The following CAMK2D variants were observed in gnomAD, a reference collection of about 807,000 sequenced individuals.
The protein encoded by CAMK2D is calcium/calmodulin-dependent protein kinase type II subunit delta.
CAMK2D carries 37 observed loss-of-function variants against 84.0 expected under a neutral mutation model. The ratio of observed to expected loss-of-function variants is 0.44; its 90% CI spans 0.34 to 0.58. The LOEUF (loss-of-function observed/expected upper bound fraction) is 0.58. Ranked by LOEUF, CAMK2D falls within the 20% of genes least tolerant of loss-of-function variation. The pLI, the probability that CAMK2D is intolerant of heterozygous loss-of-function variation, is 0.02. For missense variants in CAMK2D, 448 were observed against 652.5 expected (o/e 0.69, Z 3.41); for synonymous variants, 202 against 212.5 (o/e 0.95, Z 0.43).
intron 3 of CAMK2D, among the ~76,000 whole-genome samples, chr4:113,610,224 T>C (rs751359287): frequency 5.3e-5 from 8 of 152,166 alleles, no homozygotes; most frequent in Non-Finnish European, 1.0e-4. Context: ...CAACCTCTGG[T>C]AGCCCCAGTG....
intron 4 of CAMK2D, among the ~76,000 whole-genome samples, chr4:113,565,932 GA>G (rs2098721749): frequency 2.6e-5 from 4 of 152,128 alleles, no homozygotes; most frequent in Admixed American, 2.6e-4. Context: ...TGCACTTTTG[GA>G]AGATTTTGTG....
intron 4 of CAMK2D, among the ~76,000 whole-genome samples, chr4:113,555,869 G>T (rs1377919111): frequency 6.6e-6 from 1 of 152,148 alleles, no homozygotes; most frequent in African/African-American, 2.4e-5. Flanking sequence ...GGTCATGAGG[G>T]TGGAGCCCTC....
chr4:113,650,775 T>C (rs924682080), intron 3 of CAMK2D, among the ~76,000 whole-genome samples: 20 of 152,206 alleles, frequency 1.3e-4, no homozygotes, highest in Non-Finnish European at 2.9e-4. Context: ...CCTATGCCTA[T>C]GGAAATAATA....
At chr4:113,532,747 A>G (rs1452140035) in intron 7 of CAMK2D, among the ~76,000 whole-genome samples, 3 of 152,148 alleles carry the variant, frequency 2.0e-5, no homozygotes, top group Non-Finnish European at 4.4e-5. Flanking sequence ...CATTCATTCA[A>G]CATGATTTCA....
At chr4:113,593,701 G>T (rs1561218844) in intron 4 of CAMK2D, among the ~76,000 whole-genome samples, 1 of 152,214 alleles carries the variant, frequency 6.6e-6, no homozygotes, top group South Asian at 2.1e-4. Context: ...CTTTAGTAGA[G>T]CCCAACCTGC....
chr4:113,458,264 C>T (rs143792755), intron 18 of CAMK2D, among the ~76,000 whole-genome samples: 3 of 152,308 alleles, frequency 2.0e-5, no homozygotes, highest in Non-Finnish European at 4.4e-5. Context: ...TATGCTCCAG[C>T]CTCTGGTTTT....
At chr4:113,483,695 C>T (rs1438701541) in intron 16 of CAMK2D, among the ~76,000 whole-genome samples, 2 of 152,002 alleles carry the variant, frequency 1.3e-5, no homozygotes, top group Admixed American at 1.3e-4. Context: ...TGTGAGCCAC[C>T]GTGCCTGGCC....
intron 2 of CAMK2D, chr4:113,753,903 GTCC>G (rs2099622735): frequency 1.0e-6 from 1 of 984,044 alleles, no homozygotes; most frequent in South Asian, 4.7e-5. Flanking sequence ...AAATAATCTT[GTCC>G]TCCTTTAAGA....
intron 2 of CAMK2D, among the ~76,000 whole-genome samples, chr4:113,684,262 A>C (rs1175106706): frequency 1.3e-5 from 2 of 152,206 alleles, no homozygotes; most frequent in Admixed American, 6.5e-5. Context: ...TTCTTTGTAG[A>C]GATAACCACA....
At chr4:113,736,798 T>C (rs184280972) in intron 2 of CAMK2D, among the ~76,000 whole-genome samples, 5 of 152,148 alleles carry the variant, frequency 3.3e-5, no homozygotes, top group African/African-American at 9.6e-5. Flanking sequence ...AAGCTAAAAG[T>C]TTAAAAAGGC....
In CAMK2D at chr4:113,519,520, TA is replaced by T. The variant is rs77557990; in HGVS notation, c.602-1864del. On this transcript the variant is annotated intron_variant, in intron 8 of 20. Coordinates refer to ENST00000511664, the MANE Select transcript of CAMK2D (RefSeq NM_001321571.2). Reference sequence around the variant, plus strand: ...AAAAACACTTTTAGGCCCAAAGACTTAAAAAAAAAACATATTATAGGTGCTA... The same window carrying T: ...AAAAACACTTTTAGGCCCAAAGACTTAAAAAAAAACATATTATAGGTGCTA... Among the ~76,000 whole-genome samples the T allele has an allele frequency of 5.9e-3, 877 of 149,556 alleles. 9 individuals are homozygous for T. The highest frequency in any genetic ancestry group is 0.02 in the African/African-American group (824 of 40,868).
chr4:113,677,136 A>T (rs1404435074), intron 2 of CAMK2D, among the ~76,000 whole-genome samples: 1 of 152,172 alleles, frequency 6.6e-6, no homozygotes, highest in Non-Finnish European at 1.5e-5. Context: ...CTGTCTATTC[A>T]TTCTTTATAT....
At chr4:113,633,424 T>C (rs1178300666) in intron 3 of CAMK2D, among the ~76,000 whole-genome samples, 1 of 152,112 alleles carries the variant, frequency 6.6e-6, no homozygotes, top group Non-Finnish European at 1.5e-5. Flanking sequence ...AAGAAAACAA[T>C]AGCAACAAAG....
At chr4:113,731,684 C>T (rs1170374044) in intron 2 of CAMK2D, among the ~76,000 whole-genome samples, 1 of 150,016 alleles carries the variant, frequency 6.7e-6, no homozygotes, top group Non-Finnish European at 1.5e-5. Context: ...CTCCCGGGTT[C>T]GAGTGATTCC....
At chr4:113,535,007 G>T (rs2098480229) in intron 7 of CAMK2D, among the ~76,000 whole-genome samples, 1 of 152,182 alleles carries the variant, frequency 6.6e-6, no homozygotes, top group Non-Finnish European at 1.5e-5. Flanking sequence ...AAACAGACGA[G>T]ATTTAAGGAG....
At chr4:113,751,800 A>T (rs1472069567) in intron 2 of CAMK2D, among the ~76,000 whole-genome samples, 2 of 152,092 alleles carry the variant, frequency 1.3e-5, no homozygotes, top group East Asian at 1.9e-4. Flanking sequence ...TTTAAAAAAA[A>T]TTTTATCAGA....
intron 4 of CAMK2D, 86 bp from the exon 5 acceptor site, chr4:113,552,182 G>GT: frequency 1.4e-6 from 1 of 697,014 alleles, no homozygotes; most frequent in Non-Finnish European, 2.5e-6. Flanking sequence ...TCATATAGCT[G>GT]TTTTTCTTAG....
rs2098758397 is a variant in CAMK2D, at chr4:113,572,534, CTCAATATCACTGA to C, written c.276-20451_276-20439del. The stretch of plus-strand genomic sequence containing the variant: ...CAGCCAACAATTATATGAAAAAAAG[CTCAATATCACTGA>C]TCAATAGAGAAATGCAAATCAAAAC... On this transcript the variant is annotated intron_variant, in intron 4 of 20. Transcript: ENST00000511664. 2.0e-5 allele frequency among the ~76,000 whole-genome samples: 3 copies of C among 151,456 alleles called. No homozygotes were observed. In the South Asian group the frequency reaches 6.2e-4, roughly 31 times the overall value.
intron 2 of CAMK2D, among the ~76,000 whole-genome samples, chr4:113,712,984 T>C (rs2099498931): frequency 6.6e-6 from 1 of 152,112 alleles, no homozygotes; most frequent in Non-Finnish European, 1.5e-5. Context: ...TATTATACTG[T>C]AAGTGTGCCT....
Sources: gnomAD v4.1 joint callset for allele counts (sites outside exome capture counted in the v4.1 genomes callset) on GRCh38, gnomAD v4.1.1 for gene constraint, MANE v1.5 for transcripts, NCBI Gene and HGNC (gene_info 2026-07-23, HGNC 2026-07-21) for gene names.